Variants in GABRB1 observed in about 807,000 individuals in gnomAD.
GABRB1 encodes gamma-aminobutyric acid receptor subunit beta-1.
A neutral mutation model predicts 51.6 loss-of-function variants in GABRB1; 17 were observed. The observed-to-expected ratio is 0.33, with a 90% CI of 0.23 to 0.49. The LOEUF is 0.49. Ranked by LOEUF, GABRB1 falls within the 20% of genes least tolerant of loss-of-function variation. The pLI, the probability that GABRB1 is intolerant of heterozygous loss-of-function variation, is 0.99. For synonymous variants in GABRB1, 247 were observed against 218.9 expected, an observed-to-expected ratio of 1.13 and a Z score of -1.14; for missense variants, 410 against 600.6, an observed-to-expected ratio of 0.68 and a Z score of 3.32.
chr4:47,036,709 C>T (rs1333587044), intron 3 of GABRB1, among the ~76,000 whole-genome samples: 1 of 151,694 alleles, frequency 6.6e-6, no homozygotes, highest in African/African-American at 2.4e-5. Context: ...CAAAAGTATA[C>T]AAATTAGCTG....
At chr4:47,055,532 G>A (rs746878272) in intron 3 of GABRB1, among the ~76,000 whole-genome samples, 8 of 152,206 alleles carry the variant, frequency 5.3e-5, no homozygotes, top group East Asian at 1.9e-4. Flanking sequence ...TACATTCCCC[G>A]AACAGAATGA....
rs553470687 is a variant in GABRB1, at chr4:47,417,107, C to T, written c.1081-8567C>T. ...TGTTCTGGAAAATTGCCAGTTTTTGCTCTCAATGCTTTCAATCAGTAGCAT... is the reference window on the plus strand; with the variant it reads ...TGTTCTGGAAAATTGCCAGTTTTTGTTCTCAATGCTTTCAATCAGTAGCAT... On this transcript the variant is annotated intron_variant, in intron 8 of 8. Coordinates refer to ENST00000295454, the MANE Select transcript of GABRB1 (RefSeq NM_000812.4). Among the ~76,000 whole-genome samples, 10 of 152,102 alleles carry T rather than the reference C, an allele frequency of 6.6e-5. No homozygotes were observed. In the South Asian group the frequency reaches 2.1e-3, roughly 32 times the overall value.
At chr4:47,189,588 T>C (rs1346690340) in intron 4 of GABRB1, among the ~76,000 whole-genome samples, 1 of 151,892 alleles carries the variant, frequency 6.6e-6, no homozygotes, top group Non-Finnish European at 1.5e-5. Context: ...TCTATCCTTA[T>C]TGAGGGCAGG....
intron 4 of GABRB1, among the ~76,000 whole-genome samples, chr4:47,285,994 A>G (rs1403488060): frequency 6.6e-6 from 1 of 152,230 alleles, no homozygotes; most frequent in Non-Finnish European, 1.5e-5. Flanking sequence ...CCTGAGCTAA[A>G]TTGCAAATTA....
intron 5 of GABRB1, among the ~76,000 whole-genome samples, chr4:47,327,073 G>A (rs1201052668): frequency 6.6e-6 from 1 of 152,140 alleles, no homozygotes; most frequent in Non-Finnish European, 1.5e-5. Context: ...TATAAGTCTA[G>A]TTTAATTTTT....
chr4:47,308,091 C>T (rs1227180021), intron 4 of GABRB1, among the ~76,000 whole-genome samples: 1 of 151,886 alleles, frequency 6.6e-6, no homozygotes, highest in Non-Finnish European at 1.5e-5. Context: ...ATAATATATT[C>T]ATGAAAATGT....
chr4:47,240,786 T>C (rs1721491800), intron 4 of GABRB1, among the ~76,000 whole-genome samples: 1 of 152,212 alleles, frequency 6.6e-6, no homozygotes, highest in Non-Finnish European at 1.5e-5. Flanking sequence ...GATCTGGCCC[T>C]TCAAGGACAT....
At chr4:47,150,845 A>G (rs1717412349) in intron 3 of GABRB1, among the ~76,000 whole-genome samples, 4 of 151,996 alleles carry the variant, frequency 2.6e-5, no homozygotes, top group Non-Finnish European at 5.9e-5. Context: ...TATTATATAT[A>G]AAATGATCTT....
intron 3 of GABRB1, among the ~76,000 whole-genome samples, chr4:47,115,747 A>T (rs1252440373): frequency 2.1e-5 from 3 of 145,234 alleles, no homozygotes; most frequent in African/African-American, 4.8e-5. Flanking sequence ...CATATGTATT[A>T]TGTTAACAGC....
chr4:47,032,071 GT>G (rs1725328232), intron 2 of GABRB1, 66 bp downstream of exon 2: 3 of 655,920 alleles, frequency 4.6e-6, no homozygotes, highest in East Asian at 3.8e-5. Context: ...AAAGATAAAT[GT>G]CAAAAAAAAA....
chr4:47,179,503 T>C (rs1243004817), intron 4 of GABRB1, among the ~76,000 whole-genome samples: 2 of 152,140 alleles, frequency 1.3e-5, no homozygotes, highest in African/African-American at 4.8e-5. Context: ...TGCAGCACTT[T>C]TCACAATAGC....
intron 3 of GABRB1, among the ~76,000 whole-genome samples, chr4:47,135,459 G>C (rs1946966): frequency 0.44 from 67,505 of 151,826 alleles, 15,632 homozygotes; most frequent in Middle Eastern, 0.52. Flanking sequence ...GCACAGCTTA[G>C]TCAAAGTGTG....
intron 4 of GABRB1, among the ~76,000 whole-genome samples, chr4:47,281,025 C>G (rs1723272882): frequency 1.3e-5 from 2 of 152,006 alleles, no homozygotes; most frequent in Non-Finnish European, 1.5e-5. Context: ...TTTCTTTCAG[C>G]TTTTTGAATT....
At position 47,312,792 on chromosome 4, in the gene GABRB1, A is replaced by C. The variant is rs368226701; in HGVS notation, c.462-7335A>C. On this transcript the variant is annotated intron_variant, in intron 4 of 8. Coordinates refer to ENST00000295454, the MANE Select transcript of GABRB1 (RefSeq NM_000812.4). ...CTCAACTGAGCATACATAATTTGTT[A>C]ATTTAAGTTCACATTGCTATTTGCA... Among the ~76,000 whole-genome samples, 26 of 152,294 alleles carry C rather than the reference A, an allele frequency of 1.7e-4. No homozygotes were observed. The South Asian group carries it at 5.2e-3, about 30-fold the overall frequency.
intron 5 of GABRB1, among the ~76,000 whole-genome samples, chr4:47,323,578 G>T (rs1370510478): frequency 3.3e-5 from 5 of 152,102 alleles, no homozygotes; most frequent in African/African-American, 1.2e-4. Flanking sequence ...CAAATGAGAG[G>T]CTCTAGTGTC....
chr4:47,399,214 TA>T (rs1421017189), intron 5 of GABRB1, among the ~76,000 whole-genome samples: 1 of 152,240 alleles, frequency 6.6e-6, no homozygotes, highest in Non-Finnish European at 1.5e-5. Flanking sequence ...TTAGATTTGT[TA>T]TTATAATGAA....
chr4:47,209,680 G>A (rs562168293), intron 4 of GABRB1, among the ~76,000 whole-genome samples: 188 of 151,794 alleles, frequency 1.2e-3, no homozygotes, highest in African/African-American at 4.3e-3. Flanking sequence ...TATCATAGAT[G>A]TACAAAAAAA....
At chr4:47,295,972 G>T (rs937773116) in intron 4 of GABRB1, among the ~76,000 whole-genome samples, 2 of 152,060 alleles carry the variant, frequency 1.3e-5, no homozygotes, top group Non-Finnish European at 2.9e-5. Context: ...TTAAAGAAAA[G>T]AATTTTCAAC....
chr4:47,073,743 C>G (rs920482289), intron 3 of GABRB1, among the ~76,000 whole-genome samples: 11 of 152,198 alleles, frequency 7.2e-5, no homozygotes, highest in Admixed American at 5.2e-4. Context: ...TTAATCTCTT[C>G]TGGCACTCAT....
Sources: allele counts gnomAD v4.1 joint callset (sites outside exome capture counted in the v4.1 genomes callset), GRCh38; gene constraint gnomAD v4.1.1; transcripts MANE v1.5; gene names NCBI Gene and HGNC (gene_info 2026-07-23, HGNC 2026-07-21).